ARHGAP24: variants seen among roughly 807,000 people sequenced by gnomAD.
ARHGAP24 encodes the protein Rho GTPase activating protein 24.
ARHGAP24 carries 50 observed loss-of-function variants against 76.4 expected under a neutral mutation model. That is an observed-to-expected ratio of 0.65 (90% confidence interval 0.52 to 0.83). The LOEUF (loss-of-function observed/expected upper bound fraction) is 0.83, where lower values mean the gene tolerates loss of function less well. ARHGAP24 is among the 40% of genes least tolerant of loss of function. The pLI is 0.00. For missense variants in ARHGAP24, 930 were observed against 914.2 expected, an observed-to-expected ratio of 1.02 and a Z score of -0.22; for synonymous variants, 345 against 323.3, an observed-to-expected ratio of 1.07 and a Z score of -0.72.
At chr4:85,839,332 A>C (rs1730460057) in intron 3 of ARHGAP24, among the ~76,000 whole-genome samples, 1 of 152,236 alleles carries the variant, frequency 6.6e-6, no homozygotes, top group African/African-American at 2.4e-5. Flanking sequence ...CCTTATTCTC[A>C]TCTTTTATTA....
At chr4:85,983,690 T>C (rs796454096) in intron 8 of ARHGAP24, among the ~76,000 whole-genome samples, 8 of 152,286 alleles carry the variant, frequency 5.3e-5, no homozygotes, top group African/African-American at 1.9e-4. Context: ...TACTCTGTTA[T>C]TGTCTCCCCT....
chr4:85,667,479 G>T (rs898558524), intron 2 of ARHGAP24, among the ~76,000 whole-genome samples: 1 of 152,094 alleles, frequency 6.6e-6, no homozygotes, highest in Admixed American at 6.5e-5. Context: ...GGCCTGCTTT[G>T]GCTCACACAC....
intron 3 of ARHGAP24, among the ~76,000 whole-genome samples, chr4:85,844,285 C>T (rs1342761965): frequency 6.6e-6 from 1 of 152,184 alleles, no homozygotes; most frequent in Non-Finnish European, 1.5e-5. Flanking sequence ...GATCCATTAG[C>T]GGAGGGCCAG....
chr4:85,821,829 C>T (rs1391111655), intron 3 of ARHGAP24, among the ~76,000 whole-genome samples: 2 of 152,052 alleles, frequency 1.3e-5, no homozygotes, highest in East Asian at 1.9e-4. Context: ...AAAAATAACT[C>T]GAATGATAAC....
At chr4:85,781,367 A>G (rs1443725238) in intron 3 of ARHGAP24, among the ~76,000 whole-genome samples, 1 of 152,330 alleles carries the variant, frequency 6.6e-6, no homozygotes, top group Non-Finnish European at 1.5e-5. Flanking sequence ...GATCTTGAAA[A>G]TGATAGTAGT....
At chr4:85,683,169 T>C (rs1723289960) in intron 2 of ARHGAP24, among the ~76,000 whole-genome samples, 1 of 119,044 alleles carries the variant, frequency 8.4e-6, no homozygotes, top group African/African-American at 2.6e-5. Flanking sequence ...TTAGTAAATA[T>C]TGATAATAAC....
intron 4 of ARHGAP24, among the ~76,000 whole-genome samples, chr4:85,925,969 A>T (rs1578395719): frequency 6.6e-6 from 1 of 152,094 alleles, no homozygotes; most frequent in Middle Eastern, 3.4e-3. Flanking sequence ...ACTGAAGAAT[A>T]TATTTTTGTT....
chr4:85,672,893 C>G (rs1458897416), intron 2 of ARHGAP24, among the ~76,000 whole-genome samples: 1 of 152,148 alleles, frequency 6.6e-6, no homozygotes, highest in Non-Finnish European at 1.5e-5. Flanking sequence ...ATTTGATGTT[C>G]TGCAACCATA....
At chr4:85,527,191 G>A (rs1725042084) in intron 1 of ARHGAP24, among the ~76,000 whole-genome samples, 1 of 152,102 alleles carries the variant, frequency 6.6e-6, no homozygotes, top group Non-Finnish European at 1.5e-5. Flanking sequence ...TTCTGAGGCT[G>A]TATCTCATTA....
intron 3 of ARHGAP24, among the ~76,000 whole-genome samples, chr4:85,761,254 C>T (rs1037307321): frequency 1.3e-5 from 2 of 152,234 alleles, no homozygotes; most frequent in East Asian, 1.9e-4. Context: ...TAAAGAAATA[C>T]GTGCCCAAAA....
rs537783412 is a variant in ARHGAP24 at position 85,767,675 on chromosome 4, T to A, written c.268+45703T>A. ...AATTATTAAAGAAAAAGAAACAATG[T>A]TTTAAATTTTCAGTAGCATATTATA... is the stretch of plus-strand genomic sequence containing the variant. On this transcript the variant is annotated intron_variant, in intron 3 of 9. Coordinates refer to ENST00000395184, the MANE Select transcript of ARHGAP24 (RefSeq NM_001025616.3). 2.0e-5 allele frequency among the ~76,000 whole-genome samples: 3 copies of A among 152,276 alleles called. No homozygotes were observed. In the South Asian group the frequency reaches 6.2e-4, roughly 32 times the overall value.
intron 1 of ARHGAP24, among the ~76,000 whole-genome samples, chr4:85,510,073 GA>G (rs1724214589): frequency 1.3e-5 from 2 of 152,162 alleles, no homozygotes; most frequent in South Asian, 4.1e-4. Context: ...TGGACTTTGA[GA>G]GTGATCAAGT....
intron 3 of ARHGAP24, among the ~76,000 whole-genome samples, chr4:85,875,589 T>G (rs868179913): frequency 3.6e-5 from 4 of 111,972 alleles, no homozygotes; most frequent in African/African-American, 1.5e-4. Context: ...AATATATATT[T>G]TATATTATAT....
chr4:85,895,540 A>T (rs1734128098), intron 3 of ARHGAP24, among the ~76,000 whole-genome samples: 1 of 152,144 alleles, frequency 6.6e-6, no homozygotes, highest in Non-Finnish European at 1.5e-5. Flanking sequence ...GGAAAAAAAT[A>T]TCTTTTGGGG....
intron 1 of ARHGAP24, among the ~76,000 whole-genome samples, chr4:85,507,234 T>G (rs1009337296): frequency 6.6e-5 from 10 of 152,062 alleles, no homozygotes; most frequent in African/African-American, 2.4e-4. Context: ...TTATTATTTT[T>G]TTTTAGAGAC....
chr4:85,983,342 A>C (rs1739792673), intron 8 of ARHGAP24, among the ~76,000 whole-genome samples: 1 of 152,164 alleles, frequency 6.6e-6, no homozygotes, highest in South Asian at 2.1e-4. Context: ...ATCTTTGAGG[A>C]ATCACCACAC....
chr4:85,665,084 T>G (rs1246173438), intron 2 of ARHGAP24, among the ~76,000 whole-genome samples: 1 of 151,954 alleles, frequency 6.6e-6, no homozygotes, highest in Non-Finnish European at 1.5e-5. Flanking sequence ...ACTTTCTGTC[T>G]CGTTTTTCTG....
intron 2 of ARHGAP24, among the ~76,000 whole-genome samples, chr4:85,670,569 A>G (rs1722784945): frequency 1.3e-5 from 2 of 152,140 alleles, no homozygotes; most frequent in Non-Finnish European, 2.9e-5. Context: ...TTTCTTGGAG[A>G]ATGGTGTCAC....
chr4:85,789,708 G>T (rs549739994), intron 3 of ARHGAP24, among the ~76,000 whole-genome samples: 1 of 152,270 alleles, frequency 6.6e-6, no homozygotes, highest in East Asian at 1.9e-4. Flanking sequence ...GGTCTTAGGG[G>T]AATGGAGAAG....
Sources: allele counts gnomAD v4.1 joint callset (sites outside exome capture counted in the v4.1 genomes callset), GRCh38; gene constraint gnomAD v4.1.1; transcripts MANE v1.5; gene names NCBI Gene and HGNC (gene_info 2026-07-23, HGNC 2026-07-21).